The following ARHGAP26 variants were observed in gnomAD, a reference collection of about 807,000 sequenced individuals.
ARHGAP26 encodes Rho GTPase activating protein 26, also known as rho GTPase-activating protein 26.
ARHGAP26 carries 38 observed loss-of-function variants against 104.8 expected under a neutral mutation model. That is an observed-to-expected ratio of 0.36 (90% CI 0.28 to 0.48). ARHGAP26 has a LOEUF of 0.48. Ranked by LOEUF, ARHGAP26 falls within the 20% of genes least tolerant of loss-of-function variation. The probability of loss-of-function intolerance (pLI) is 0.99; values close to 1 mark genes in which losing one functional copy is unlikely to be tolerated. For synonymous variants in ARHGAP26, 341 were observed against 340.0 expected (o/e 1.00, Z -0.03); for missense variants, 704 against 947.9 (o/e 0.74, Z 3.38).
intron 21 of ARHGAP26, among the ~76,000 whole-genome samples, chr5:143,209,841 G>A (rs555147234): frequency 7.3e-5 from 11 of 151,642 alleles, no homozygotes; most frequent in Admixed American, 2.6e-4. Flanking sequence ...GATGAGCACA[G>A]ACAGCAACAC....
chr5:143,142,281 T>C (rs1476376490), intron 19 of ARHGAP26, among the ~76,000 whole-genome samples: 3 of 151,688 alleles, frequency 2.0e-5, no homozygotes, highest in Admixed American at 6.6e-5. Flanking sequence ...TGGGACTGCA[T>C]GCGCCCGCCA....
At chr5:142,810,534 A>G (rs1170546841) in intron 1 of ARHGAP26, among the ~76,000 whole-genome samples, 1 of 152,010 alleles carries the variant, frequency 6.6e-6, no homozygotes. Flanking sequence ...AGGGATTTTG[A>G]TAGAAAATTT....
chr5:143,073,491 A>G (rs1162092974), intron 17 of ARHGAP26, among the ~76,000 whole-genome samples: 1 of 152,212 alleles, frequency 6.6e-6, no homozygotes, highest in Non-Finnish European at 1.5e-5. Context: ...AGTAATTGCT[A>G]TGGAAAAGGC....
intron 1 of ARHGAP26, among the ~76,000 whole-genome samples, chr5:142,773,196 T>G (rs531561903): frequency 6.6e-6 from 1 of 152,324 alleles, no homozygotes; most frequent in South Asian, 2.1e-4. Flanking sequence ...TTGTGTATTA[T>G]TTTTCTTCAG....
intron 20 of ARHGAP26, among the ~76,000 whole-genome samples, chr5:143,185,869 C>G (rs976365123): frequency 6.6e-6 from 1 of 152,234 alleles, no homozygotes; most frequent in Non-Finnish European, 1.5e-5. Context: ...ACTACCCCTC[C>G]CTTGCTTTCC....
At chr5:143,102,391 G>A (rs1488567233) in intron 17 of ARHGAP26, among the ~76,000 whole-genome samples, 1 of 152,148 alleles carries the variant, frequency 6.6e-6, no homozygotes, top group Non-Finnish European at 1.5e-5. Flanking sequence ...AGACCTCAGT[G>A]TCGGCCCCAA....
chr5:143,103,136 C>A (rs1451484752), intron 17 of ARHGAP26: 23 of 539,492 alleles, frequency 4.3e-5, no homozygotes. Flanking sequence ...AGGTGCCATC[C>A]TTGCCTGGTA....
intron 10 of ARHGAP26, among the ~76,000 whole-genome samples, chr5:142,927,172 G>A (rs1463768721): frequency 6.6e-6 from 1 of 151,842 alleles, no homozygotes; most frequent in South Asian, 2.1e-4. Flanking sequence ...TTTTTACTGA[G>A]GTGTAATCAC....
intron 20 of ARHGAP26, among the ~76,000 whole-genome samples, chr5:143,172,400 G>A (rs1013344533): frequency 6.6e-6 from 1 of 152,102 alleles, no homozygotes; most frequent in Non-Finnish European, 1.5e-5. Context: ...AAACTGTCCT[G>A]AGCCACCTAG....
At chr5:142,868,899 T>C (rs1754794612) in intron 1 of ARHGAP26, 1 of 152,516 alleles carries the variant, frequency 6.6e-6, no homozygotes, top group African/African-American at 2.4e-5. Context: ...CCAGCTTGTG[T>C]TTCCTTGCCC....
In ARHGAP26 at chr5:142,903,537, T is replaced by C. The variant is rs751357784; in HGVS notation, c.703-3T>C. The C allele has an allele frequency of 1.2e-4, 189 of 1,612,332 alleles. No homozygotes were observed. Among genetic ancestry groups the C allele is most frequent in the Non-Finnish European group, 1.5e-4 (178 of 1,179,474 alleles). On this transcript the variant is annotated splice_region_variant and splice_polypyrimidine_tract_variant and intron_variant, in intron 7 of 22. Coordinates refer to ENST00000645722, the MANE Select transcript of ARHGAP26 (RefSeq NM_001135608.3). Reference sequence around the variant, plus strand: ...GATTTGAATAAAATTATTTTCATCCTAGACAAGAAATCGCTTTGAAGGCAC... The same window carrying C: ...GATTTGAATAAAATTATTTTCATCCCAGACAAGAAATCGCTTTGAAGGCAC...
chr5:142,976,293 T>G (rs898947481), intron 11 of ARHGAP26, among the ~76,000 whole-genome samples: 1 of 152,220 alleles, frequency 6.6e-6, no homozygotes, highest in Non-Finnish European at 1.5e-5. Flanking sequence ...AAAGCACCTC[T>G]CTAAAGGAAA....
At chr5:143,071,004 TA>T (rs1400558991) in intron 17 of ARHGAP26, among the ~76,000 whole-genome samples, 1 of 152,112 alleles carries the variant, frequency 6.6e-6, no homozygotes, top group Non-Finnish European at 1.5e-5. Context: ...AGACCGTGAA[TA>T]GCAAAAGCAG....
At chr5:142,796,579 A>G (rs1469762035) in intron 1 of ARHGAP26, among the ~76,000 whole-genome samples, 1 of 152,248 alleles carries the variant, frequency 6.6e-6, no homozygotes, top group Non-Finnish European at 1.5e-5. Context: ...TCACTAAAAC[A>G]GTTCTCAAGT....
At position 142,903,720 on chromosome 5, in the gene ARHGAP26, A is replaced by G. The variant is rs537628490; in HGVS notation, c.832+51A>G. ...TGGGATGTACTCAGGCCTCTTACCT[A>G]GAAGGTGGAGGATGTATTCAGCAGT... On this transcript the variant is annotated intron_variant, in intron 8 of 22. Transcript: ENST00000645722. 11 of 1,587,380 alleles carry G rather than the reference A, an allele frequency of 6.9e-6. No individual in the cohort carries two copies. The South Asian group carries it at 9.2e-5, about 13-fold the overall frequency.
At chr5:143,103,005 G>GA (rs937910734) in intron 17 of ARHGAP26, among the ~76,000 whole-genome samples, 12 of 152,126 alleles carry the variant, frequency 7.9e-5, no homozygotes, top group Non-Finnish European at 1.5e-4. Flanking sequence ...TCACAGGGGG[G>GA]ATCTGACATC....
chr5:142,933,984 C>T (rs1359971283), intron 11 of ARHGAP26, among the ~76,000 whole-genome samples: 1 of 152,140 alleles, frequency 6.6e-6, no homozygotes, highest in Non-Finnish European at 1.5e-5. Flanking sequence ...AATGATTCTT[C>T]AACTCATAGG....
intron 10 of ARHGAP26, among the ~76,000 whole-genome samples, chr5:142,914,338 T>G (rs1170470636): frequency 2.0e-5 from 3 of 152,258 alleles, no homozygotes; most frequent in Admixed American, 2.0e-4. Flanking sequence ...TCTTAAGCAA[T>G]TTAGTCATTA....
At chr5:142,898,652 A>C (rs964677823) in intron 6 of ARHGAP26, among the ~76,000 whole-genome samples, 1 of 152,196 alleles carries the variant, frequency 6.6e-6, no homozygotes, top group Non-Finnish European at 1.5e-5. Flanking sequence ...GAAGCTCCTG[A>C]CAGCACTCCT....
Sources: allele counts gnomAD v4.1 joint callset (sites outside exome capture counted in the v4.1 genomes callset), GRCh38; gene constraint gnomAD v4.1.1; transcripts MANE v1.5; gene names NCBI Gene and HGNC (gene_info 2026-07-23, HGNC 2026-07-21).